The following SLC8A1 variants were observed in gnomAD, a reference collection of about 807,000 sequenced individuals.
The protein encoded by SLC8A1 is solute carrier family 8 member A1.
In SLC8A1, 18 loss-of-function variants were observed where a neutral mutation model predicts 68.3. The ratio of observed to expected loss-of-function variants is 0.26; its 90% CI spans 0.18 to 0.39. The LOEUF (loss-of-function observed/expected upper bound fraction) is 0.39. Ranked by LOEUF, SLC8A1 falls within the 10% of genes least tolerant of loss-of-function variation. SLC8A1 has a pLI of 1.00. For missense variants in SLC8A1, 985 were observed against 1,156.7 expected (o/e 0.85, Z 2.15); for synonymous variants, 475 against 415.5 (o/e 1.14, Z -1.74).
intron 2 of SLC8A1, among the ~76,000 whole-genome samples, chr2:40,345,430 G>T (rs1292042605): frequency 6.6e-6 from 1 of 152,126 alleles, no homozygotes; most frequent in African/African-American, 2.4e-5. Flanking sequence ...GAAGATTCAT[G>T]TGAGCAACAA....
At chr2:40,433,982 C>T (rs17025999) in intron 1 of SLC8A1, among the ~76,000 whole-genome samples, 7,513 of 152,238 alleles carry the variant, frequency 0.049, 365 homozygotes, top group East Asian at 0.26. Flanking sequence ...CTAGCATGTT[C>T]CTAGAGACAG....
At chr2:40,110,668 G>A (rs1457573482) in exon 8 of SLC8A1, 4 of 152,108 alleles carry the variant, frequency 2.6e-5, no homozygotes, top group Non-Finnish European at 5.9e-5. Flanking sequence ...TCATAAAATG[G>A]CCAAACGTTC....
exon 2 of SLC8A1, chr2:40,428,805 A>T: frequency 6.2e-7 from 1 of 1,613,792 alleles, no homozygotes; most frequent in Non-Finnish European, 8.5e-7. Flanking sequence ...TGAGATGCAC[A>T]AGGAAATTTT....
At chr2:40,154,086 G>C (rs995940634) in intron 6 of SLC8A1, among the ~76,000 whole-genome samples, 1 of 152,068 alleles carries the variant, frequency 6.6e-6, no homozygotes, top group Non-Finnish European at 1.5e-5. Flanking sequence ...TCATATTCCA[G>C]CTAATCACTT....
At chr2:40,112,658 CA>C (rs56384807) in exon 8 of SLC8A1, 21,692 of 141,596 alleles carry the variant, frequency 0.15, 1,857 homozygotes, top group African/African-American at 0.24. Flanking sequence ...TAGCAATTCT[CA>C]AAAAAAAAAA....
At chr2:40,420,966 TA>T (rs1695342263) in intron 2 of SLC8A1, among the ~76,000 whole-genome samples, 1 of 152,162 alleles carries the variant, frequency 6.6e-6, no homozygotes, top group South Asian at 2.1e-4. Flanking sequence ...ATGAGTCTAA[TA>T]AGAGTAGCTA....
intron 2 of SLC8A1, among the ~76,000 whole-genome samples, chr2:40,236,963 G>A (rs1284080349): frequency 2.6e-5 from 4 of 152,270 alleles, no homozygotes; most frequent in Admixed American, 1.3e-4. Flanking sequence ...TTTCTGCCGA[G>A]AGATCCGCTG....
intron 2 of SLC8A1, among the ~76,000 whole-genome samples, chr2:40,387,134 C>T (rs1683822641): frequency 6.6e-6 from 1 of 151,418 alleles, no homozygotes; most frequent in Admixed American, 6.6e-5. Flanking sequence ...CATTGGACCT[C>T]AGAATTCAAC....
intron 1 of SLC8A1, among the ~76,000 whole-genome samples, chr2:40,487,949 C>G (rs1220001215): frequency 6.6e-6 from 1 of 152,132 alleles, no homozygotes; most frequent in East Asian, 1.9e-4. Context: ...AAAAACGATA[C>G]TACCAGCCAC....
At chr2:40,148,609 C>T (rs1167786899) in intron 6 of SLC8A1, among the ~76,000 whole-genome samples, 2 of 152,288 alleles carry the variant, frequency 1.3e-5, no homozygotes, top group East Asian at 1.9e-4. Context: ...AACGAGATCT[C>T]AGTAAACACG....
chr2:40,318,767 C>T (rs1007606590), intron 2 of SLC8A1, among the ~76,000 whole-genome samples: 9 of 152,022 alleles, frequency 5.9e-5, no homozygotes, highest in African/African-American at 1.7e-4. Context: ...TTTAGGACTC[C>T]GGAAGTTACA....
At chr2:40,301,733 A>G (rs1393047623) in intron 2 of SLC8A1, among the ~76,000 whole-genome samples, 2 of 152,134 alleles carry the variant, frequency 1.3e-5, no homozygotes, top group Non-Finnish European at 2.9e-5. Flanking sequence ...CTTATCCATA[A>G]AATTCTTTTT....
chr2:40,208,710 T>A (rs2055978496), intron 2 of SLC8A1, among the ~76,000 whole-genome samples: 1 of 152,170 alleles, frequency 6.6e-6, no homozygotes, highest in South Asian at 2.1e-4. Flanking sequence ...CTTGGGGCTC[T>A]CAGCAGTCTC....
Position 40,254,397 on chromosome 2 carries a change from C to G in SLC8A1, c.1809-76542G>C, listed in dbSNP as rs554493412. 1.1e-4 allele frequency: 11 copies of G among 99,502 alleles called. No individual in the cohort carries two copies. In the South Asian group the frequency reaches 1.5e-3, roughly 13 times the overall value. 6.2% of individuals were successfully genotyped at this position (99,502 alleles called of 1,614,324 possible). On this transcript the variant is annotated intron_variant, in intron 2 of 7. Transcript: ENST00000406785. ...AAATGCTCTTAAGTTGTAAATCATG[C>G]TTTTTTGTTTTTTTTTTTTCAGGCT...
At chr2:40,319,608 C>T (rs2074939283) in intron 2 of SLC8A1, among the ~76,000 whole-genome samples, 1 of 152,002 alleles carries the variant, frequency 6.6e-6, no homozygotes, top group Non-Finnish European at 1.5e-5. Context: ...TCTCATACTC[C>T]CATATATTAT....
chr2:40,112,440 T>C (rs915849771), exon 8 of SLC8A1: 15 of 150,594 alleles, frequency 1.0e-4, no homozygotes, highest in African/African-American at 3.7e-4. Flanking sequence ...TCCTAGAACA[T>C]GAAAATTTAA....
At chr2:40,326,812 A>G (rs76121558) in intron 2 of SLC8A1, among the ~76,000 whole-genome samples, 11,484 of 152,176 alleles carry the variant, frequency 0.075, 572 homozygotes, top group Non-Finnish European at 0.12. Context: ...TCTTAATCTA[A>G]TCTGTTTGAT....
At chr2:40,450,455 A>G (rs924498292) in intron 1 of SLC8A1, among the ~76,000 whole-genome samples, 1 of 152,022 alleles carries the variant, frequency 6.6e-6, no homozygotes, top group African/African-American at 2.4e-5. Context: ...CCCTTGGGAA[A>G]TCTTCGCACA....
intron 2 of SLC8A1, among the ~76,000 whole-genome samples, chr2:40,345,161 T>C (rs186149771): frequency 2.2e-4 from 33 of 152,230 alleles, no homozygotes; most frequent in African/African-American, 7.7e-4. Flanking sequence ...TGGTTGCTTA[T>C]GATAGGAGTG....
Sources: gnomAD v4.1 joint callset for allele counts (sites outside exome capture counted in the v4.1 genomes callset) on GRCh38, gnomAD v4.1.1 for gene constraint, MANE v1.5 for transcripts, NCBI Gene and HGNC (gene_info 2026-07-23, HGNC 2026-07-21) for gene names.